DNM1L: variants seen among roughly 807,000 people sequenced by gnomAD.
DNM1L encodes the protein dynamin 1L.
A neutral mutation model predicts 92.8 loss-of-function variants in DNM1L; 33 were observed. The ratio of observed to expected loss-of-function variants is 0.36; its 90% CI spans 0.27 to 0.48. DNM1L has a LOEUF of 0.48. Among genes scored for constraint, DNM1L ranks in the 20% least tolerant of loss-of-function variants. The probability of loss-of-function intolerance (pLI) is 0.99; values close to 1 mark genes in which losing one functional copy is unlikely to be tolerated. For synonymous variants in DNM1L, 284 were observed against 305.0 expected (o/e 0.93, Z 0.72); for missense variants, 485 against 888.8 (o/e 0.55, Z 5.78).
At chr12:32,716,952 G>A (rs1026342740) in intron 6 of DNM1L, among the ~76,000 whole-genome samples, 2 of 145,670 alleles carry the variant, frequency 1.4e-5, no homozygotes, top group African/African-American at 5.0e-5. Flanking sequence ...ATAAGAAACT[G>A]CCAGACTGTT....
At chr12:32,724,587 A>AT (rs1555123371) in intron 9 of DNM1L, among the ~76,000 whole-genome samples, 24 of 72,018 alleles carry the variant, frequency 3.3e-4, no homozygotes, top group African/African-American at 7.5e-4. Context: ...AAAAAAAAAA[A>AT]AAAAAAATAT....
chr12:32,719,952 A>G (rs932355615), intron 7 of DNM1L, among the ~76,000 whole-genome samples: 3 of 152,198 alleles, frequency 2.0e-5, no homozygotes, highest in African/African-American at 7.2e-5. Context: ...CACTGAAATT[A>G]TCATGAAATC....
intron 8 of DNM1L, 118 bp downstream of exon 8, chr12:32,720,913 T>A: frequency 1.5e-6 from 2 of 1,318,312 alleles, no homozygotes; most frequent in Admixed American, 3.8e-5. Context: ...ACTTATGGTT[T>A]CTTATATAGT....
At chr12:32,702,274 C>T (rs576059170) in intron 2 of DNM1L, among the ~76,000 whole-genome samples, 1 of 150,322 alleles carries the variant, frequency 6.7e-6, no homozygotes, top group South Asian at 2.1e-4. Context: ...AGGCATTGTC[C>T]TTTATAACCG....
chr12:32,719,344 T>A (rs1953699563), intron 7 of DNM1L, among the ~76,000 whole-genome samples: 1 of 152,184 alleles, frequency 6.6e-6, no homozygotes, highest in Non-Finnish European at 1.5e-5. Context: ...TTCTTGCCTA[T>A]CATGTTAAGC....
intron 7 of DNM1L, 105 bp from the exon 8 acceptor site, chr12:32,720,559 C>G: frequency 6.8e-7 from 1 of 1,480,916 alleles, no homozygotes; most frequent in Non-Finnish European, 9.4e-7. Flanking sequence ...TTAAATAAAA[C>G]AGTCCCTGTC....
intron 18 of DNM1L, 141 bp downstream of exon 18, chr12:32,740,659 CTTGT>C (rs1955226044): frequency 1.4e-6 from 1 of 734,652 alleles, no homozygotes; most frequent in Non-Finnish European, 2.2e-6. Context: ...CCTTGGGTAA[CTTGT>C]AGCAAGACCC....
At chr12:32,720,002 G>A (rs76801890) in intron 7 of DNM1L, among the ~76,000 whole-genome samples, 1,556 of 152,264 alleles carry the variant, frequency 0.01, 33 homozygotes, top group African/African-American at 0.035. Context: ...TAGATACAAC[G>A]TAGGTTTAAA....
rs1416626177 is a variant in DNM1L at position 32,745,033 on chromosome 12, A to G, written c.*1623A>G. 7.8e-6 allele frequency: 4 copies of G among 513,094 alleles called. No individual in the cohort carries two copies. Among genetic ancestry groups the G allele is most frequent in the African/African-American group, 5.8e-5 (3 of 51,548 alleles). The allele number at this position is 513,094 out of a possible 1,614,324, so 31.8% of individuals were successfully genotyped here. A position where few individuals can be genotyped will look rare whatever the true frequency, so the allele number is the denominator to read the frequency against. On this transcript the variant is annotated 3_prime_UTR_variant, in exon 20 of 20. Transcript: ENST00000549701. ...ATGTTAACTTTAGCTTATGGCATCAATTTACTAAGGAACAACAGGCTCACC... is the reference window on the plus strand; with the variant it reads ...ATGTTAACTTTAGCTTATGGCATCAGTTTACTAAGGAACAACAGGCTCACC...
chr12:32,686,126 C>T (rs1367548678), intron 1 of DNM1L, among the ~76,000 whole-genome samples: 1 of 146,224 alleles, frequency 6.8e-6, no homozygotes, highest in Non-Finnish European at 1.5e-5. Context: ...TCTCGGCTCA[C>T]AGCAACCTCC....
intron 1 of DNM1L, among the ~76,000 whole-genome samples, chr12:32,689,448 C>T (rs1952147080): frequency 6.6e-6 from 1 of 152,156 alleles, no homozygotes. Flanking sequence ...CTCACCCTCC[C>T]AAAGTGCTGG....
chr12:32,704,772 T>G (rs1168004289), intron 2 of DNM1L, among the ~76,000 whole-genome samples: 1 of 152,184 alleles, frequency 6.6e-6, no homozygotes, highest in Non-Finnish European at 1.5e-5. Context: ...CCCTTTGGAC[T>G]GAGTCCACGA....
intron 2 of DNM1L, among the ~76,000 whole-genome samples, chr12:32,705,005 T>G (rs962826413): frequency 2.0e-5 from 3 of 150,128 alleles, no homozygotes; most frequent in African/African-American, 4.9e-5. Flanking sequence ...GCAAAGTTTT[T>G]TTTTTTTTTT....
At chr12:32,736,178 TCTC>T (rs961504518) in intron 13 of DNM1L, among the ~76,000 whole-genome samples, 1 of 151,080 alleles carries the variant, frequency 6.6e-6, no homozygotes, top group Non-Finnish European at 1.5e-5. Flanking sequence ...TTCAAGCAGT[TCTC>T]CTGCCGCAGC....
rs774055410 is a variant in DNM1L, at chr12:32,707,765, T to C, written c.297+352T>C. On this transcript the variant is annotated intron_variant, in intron 3 of 19. Coordinates refer to ENST00000549701, the MANE Select transcript of DNM1L (RefSeq NM_012062.5). ...AGGAGTTCGAGTCCAGCCTAGGCAA[T>C]ATAGGGGGACCCTGTCTCTATAAAA... Among the ~76,000 whole-genome samples, 31 of 151,918 alleles carry C rather than the reference T, an allele frequency of 2.0e-4. 1 individual carries two copies. The highest frequency in any genetic ancestry group is 2.9e-5 in the Non-Finnish European group (2 of 67,956).
At chr12:32,723,860 CCAGTAGTAAGTTAA>C (rs1392176663) in intron 9 of DNM1L, among the ~76,000 whole-genome samples, 1 of 152,058 alleles carries the variant, frequency 6.6e-6, no homozygotes, top group Non-Finnish European at 1.5e-5. Flanking sequence ...TTAAGGATTT[CCAGTAGTAAGTTAA>C]AATCTCAGGA....
Position 32,713,331 on chromosome 12 carries a change from A to G in DNM1L, c.579A>G (p.Thr193=). The part of the protein sequence containing the change: ...AVTAANTDMA[T]SEALKISREV... Reference sequence around the variant, plus strand: ...CTGCTGCTAATACAGATATGGCAACATCAGAGGCACTTAAAATTTCAAGAG... The same window carrying G: ...CTGCTGCTAATACAGATATGGCAACGTCAGAGGCACTTAAAATTTCAAGAG... The change falls in exon 6 of 20, where the codon ACA becomes ACG. Residue 193 remains threonine (T), a synonymous_variant. Transcript: ENST00000549701. 6.2e-7 allele frequency: 1 copy of G among 1,613,980 alleles called. No homozygotes were observed. Among genetic ancestry groups the G allele is most frequent in the South Asian group, 1.1e-5 (1 of 91,080 alleles).
chr12:32,698,382 G>A (rs1309700027), intron 1 of DNM1L, among the ~76,000 whole-genome samples: 3 of 152,172 alleles, frequency 2.0e-5, no homozygotes, highest in Non-Finnish European at 4.4e-5. Context: ...GCCTTGGGCT[G>A]GCTGGCTGTG....
chr12:32,705,065 G>A (rs754939757), intron 2 of DNM1L, among the ~76,000 whole-genome samples: 28 of 149,512 alleles, frequency 1.9e-4, no homozygotes, highest in Non-Finnish European at 2.8e-4. Context: ...GTGTGCAGTG[G>A]CACAATGATC....
Sources: gnomAD v4.1 joint callset for allele counts (sites outside exome capture counted in the v4.1 genomes callset) on GRCh38, gnomAD v4.1.1 for gene constraint, MANE v1.5 for transcripts, NCBI Gene and HGNC (gene_info 2026-07-23, HGNC 2026-07-21) for gene names.